RRAS2: variants seen among roughly 807,000 people sequenced by gnomAD.
RRAS2 encodes the protein ras-related protein R-Ras2.
RRAS2 carries 7 observed loss-of-function variants against 27.6 expected under a neutral mutation model. The observed-to-expected ratio is 0.25, with a 90% CI of 0.14 to 0.48. The LOEUF is 0.48. RRAS2 is among the 20% of genes least tolerant of loss of function. The pLI is 0.99. For synonymous variants in RRAS2, 86 were observed against 90.9 expected (o/e 0.95, Z 0.31); for missense variants, 178 against 256.2 (o/e 0.69, Z 2.08).
intron 1 of RRAS2, among the ~76,000 whole-genome samples, chr11:14,340,492 A>G (rs1169534184): frequency 6.6e-6 from 1 of 152,102 alleles, no homozygotes; most frequent in Non-Finnish European, 1.5e-5. Context: ...ATTAAGAACC[A>G]TTTCCAATTT....
intron 1 of RRAS2, among the ~76,000 whole-genome samples, chr11:14,297,969 G>GT (rs1554946880): frequency 7.1e-6 from 1 of 141,290 alleles, no homozygotes; most frequent in East Asian, 2.0e-4. Flanking sequence ...AAATAAACAG[G>GT]TATCAATTCA....
chr11:14,289,021 C>T (rs920850538), intron 4 of RRAS2, among the ~76,000 whole-genome samples: 3 of 152,120 alleles, frequency 2.0e-5, no homozygotes, highest in African/African-American at 4.8e-5. Flanking sequence ...CTGTCAAAAC[C>T]GAGAAACCCT....
At chr11:14,295,904 T>G in intron 1 of RRAS2, 49 bp from the exon 2 acceptor site, 1 of 1,542,372 alleles carries the variant, frequency 6.5e-7, no homozygotes, top group Non-Finnish European at 8.9e-7. Flanking sequence ...CCAGGCATGG[T>G]AGCTCACACC....
At position 14,289,562 on chromosome 11, in the gene RRAS2, A is replaced by G. The variant is rs118031675; in HGVS notation, c.408+4909T>C. ...TAGCAGAATAAACAAAATGACTGGC[A>G]TATCTTAAGGGACCAGATGGCTGGT... On this transcript the variant is annotated intron_variant, in intron 4 of 5. Transcript: ENST00000256196. Among the ~76,000 whole-genome samples, 46 of 152,354 alleles carry G rather than the reference A, an allele frequency of 3.0e-4. No homozygotes were observed. The East Asian group carries it at 8.5e-3, about 28-fold the overall frequency.
intron 1 of RRAS2, among the ~76,000 whole-genome samples, chr11:14,312,117 G>A (rs782189483): frequency 4.6e-5 from 7 of 152,052 alleles, no homozygotes; most frequent in African/African-American, 7.2e-5. Flanking sequence ...CACCCACCTC[G>A]GCCTTCCAAA....
chr11:14,291,857 T>A (rs1238490087), intron 4 of RRAS2, among the ~76,000 whole-genome samples: 3 of 152,180 alleles, frequency 2.0e-5, no homozygotes, highest in African/African-American at 7.2e-5. Flanking sequence ...CAGAAGTGTT[T>A]GGGATTTTGG....
rs376384084 is a variant in RRAS2, at chr11:14,329,028, T to C, written c.108+29735A>G. Among the ~76,000 whole-genome samples the C allele has an allele frequency of 4.6e-3, 522 of 114,686 alleles. 3 individuals carry two copies. Among genetic ancestry groups the C allele is most frequent in the Middle Eastern group, 0.029 (6 of 206 alleles). 75.2% of individuals were successfully genotyped at this position (114,686 alleles called of 152,430 possible). A position where few individuals can be genotyped will look rare whatever the true frequency, so the allele number is the denominator to read the frequency against. ...GTGTGTGTGTATATATATATATATA[T>C]ACACACACACATATATATGTATATA... On this transcript the variant is annotated intron_variant, in intron 1 of 5. Transcript: ENST00000256196.
chr11:14,327,060 CAAAAAAAAAAAAAAA>C (rs201334157), intron 1 of RRAS2, among the ~76,000 whole-genome samples: 31,671 of 39,888 alleles, frequency 0.79, 13,944 homozygotes, highest in Middle Eastern at 0.88. Context: ...GACTCTGTCT[CAAAAAAAAAAAAAAA>C]AAAAAAAGAA....
intron 4 of RRAS2, among the ~76,000 whole-genome samples, chr11:14,293,124 A>AATATATACATATATATAT (rs1847452433): frequency 1.3e-5 from 1 of 76,822 alleles, no homozygotes; most frequent in African/African-American, 6.3e-5. Flanking sequence ...AAACAAAACA[A>AATATATACATATATATAT]ATATATATAT....
At position 14,328,985 on chromosome 11, in the gene RRAS2, A is replaced by G. The variant is rs868965554; in HGVS notation, c.108+29778T>C. Among the ~76,000 whole-genome samples, 251 of 139,726 alleles carry G rather than the reference A, an allele frequency of 1.8e-3. 1 individual carries two copies. Among genetic ancestry groups the G allele is most frequent in the African/African-American group, 5.1e-3 (192 of 37,418 alleles). The allele number at this position is 139,726 out of a possible 152,430, so 91.7% of individuals were successfully genotyped here. A position where few individuals can be genotyped will look rare whatever the true frequency, so the allele number is the denominator to read the frequency against. ...GGCACATACACCAAATTTTATATAT[A>G]TGTGTGTGTGTGTGTGTGTGTGTGT... On this transcript the variant is annotated intron_variant, in intron 1 of 5. Coordinates refer to ENST00000256196, the MANE Select transcript of RRAS2 (RefSeq NM_012250.6).
intron 5 of RRAS2, among the ~76,000 whole-genome samples, chr11:14,281,343 T>A (rs1253194965): frequency 1.3e-5 from 2 of 152,216 alleles, no homozygotes; most frequent in African/African-American, 4.8e-5. Flanking sequence ...ATGCAAAAGT[T>A]AGCTGCTGTC....
chr11:14,303,197 T>C (rs1388993996), intron 1 of RRAS2, among the ~76,000 whole-genome samples: 1 of 152,180 alleles, frequency 6.6e-6, no homozygotes, highest in Admixed American at 6.5e-5. Flanking sequence ...TAAGTTGTGA[T>C]TTGGAAAATA....
chr11:14,307,719 A>T (rs1164786384), intron 1 of RRAS2, among the ~76,000 whole-genome samples: 1 of 152,112 alleles, frequency 6.6e-6, no homozygotes, highest in Non-Finnish European at 1.5e-5. Context: ...AAATCCTGGT[A>T]CCCCTTAAAA....
At position 14,356,482 on chromosome 11, in the gene RRAS2, C is replaced by T. The variant is rs571032327; in HGVS notation, c.108+2281G>A. Among the ~76,000 whole-genome samples the T allele has an allele frequency of 1.4e-3, 212 of 152,302 alleles. 2 individuals are homozygous for T. Among genetic ancestry groups the T allele is most frequent in the African/African-American group, 4.8e-3 (198 of 41,564 alleles). ...CACATACAACATGCTGGATACAATGCTACCATCTTTGTCATAAAAGTTATA... is the reference window on the plus strand; with the variant it reads ...CACATACAACATGCTGGATACAATGTTACCATCTTTGTCATAAAAGTTATA... On this transcript the variant is annotated intron_variant, in intron 1 of 5. Coordinates refer to ENST00000256196, the MANE Select transcript of RRAS2 (RefSeq NM_012250.6).
At chr11:14,327,947 C>T (rs1282130490) in intron 1 of RRAS2, among the ~76,000 whole-genome samples, 1 of 152,076 alleles carries the variant, frequency 6.6e-6, no homozygotes, top group Non-Finnish European at 1.5e-5. Flanking sequence ...AGAAGCCAAA[C>T]TTAGACCAAA....
chr11:14,342,902 ACTACT>A (rs1287305766), intron 1 of RRAS2, among the ~76,000 whole-genome samples: 1 of 152,224 alleles, frequency 6.6e-6, no homozygotes, highest in Non-Finnish European at 1.5e-5. Context: ...TCATTTTGGC[ACTACT>A]CTAAGTAAAC....
At chr11:14,315,575 G>A (rs936440685) in intron 1 of RRAS2, among the ~76,000 whole-genome samples, 1 of 152,178 alleles carries the variant, frequency 6.6e-6, no homozygotes, top group Non-Finnish European at 1.5e-5. Flanking sequence ...CCTGAATAAA[G>A]TATAGACTTT....
chr11:14,340,128 T>C lies in RRAS2; in HGVS notation c.108+18635A>G, dbSNP rs538737810. Reference sequence around the variant, plus strand: ...CTGGGAGACAGGGCAACAGAGTCTGTCCCTCTGTCTCCCAGGCTGGAGTGT... The same window carrying C: ...CTGGGAGACAGGGCAACAGAGTCTGCCCCTCTGTCTCCCAGGCTGGAGTGT... On this transcript the variant is annotated intron_variant, in intron 1 of 5. Coordinates refer to ENST00000256196, the MANE Select transcript of RRAS2 (RefSeq NM_012250.6). 8.6e-4 allele frequency among the ~76,000 whole-genome samples: 115 copies of C among 133,872 alleles called. 1 individual carries two copies. The highest frequency in any genetic ancestry group is 1.7e-3 in the Non-Finnish European group (104 of 61,466). 87.8% of individuals were successfully genotyped at this position (133,872 alleles called of 152,430 possible). A position where few individuals can be genotyped will look rare whatever the true frequency, so the allele number is the denominator to read the frequency against.
intron 1 of RRAS2, among the ~76,000 whole-genome samples, chr11:14,334,685 C>T (rs1848555606): frequency 6.6e-6 from 1 of 151,638 alleles, no homozygotes; most frequent in Non-Finnish European, 1.5e-5. Flanking sequence ...CCTTCCCACC[C>T]TTCTAGCGAG....
Sources: allele counts gnomAD v4.1 joint callset (sites outside exome capture counted in the v4.1 genomes callset), GRCh38; gene constraint gnomAD v4.1.1; transcripts MANE v1.5; gene names NCBI Gene and HGNC (gene_info 2026-07-23, HGNC 2026-07-21).